MSRA: variants seen among roughly 807,000 people sequenced by gnomAD.
MSRA encodes methionine sulfoxide reductase A, also known as mitochondrial peptide methionine sulfoxide reductase.
A neutral mutation model predicts 31.3 loss-of-function variants in MSRA; 54 were observed. That is an observed-to-expected ratio of 1.73 (90% CI 1.39 to 2.17). MSRA has a LOEUF of 2.17. Ranked by LOEUF, MSRA falls within the 30% of genes most tolerant of loss-of-function variation. The probability of loss-of-function intolerance (pLI) is 0.00; values close to 1 mark genes in which losing one functional copy is unlikely to be tolerated. For synonymous variants in MSRA, 169 were observed against 116.5 expected (o/e 1.45, Z -2.90); for missense variants, 507 against 300.9 (o/e 1.69, Z -5.07).
chr8:10,186,371 A>G (rs559613385), intron 1 of MSRA, among the ~76,000 whole-genome samples: 2 of 152,362 alleles, frequency 1.3e-5, no homozygotes, highest in South Asian at 2.1e-4. Flanking sequence ...TGGACAGTAT[A>G]TAAATGAATG....
At chr8:10,425,682 C>G (rs545821901) in intron 5 of MSRA, among the ~76,000 whole-genome samples, 5 of 152,310 alleles carry the variant, frequency 3.3e-5, no homozygotes, top group South Asian at 2.1e-4. Flanking sequence ...GGGCCGGGAG[C>G]GAGGCCCGTC....
At chr8:10,351,881 G>A (rs935530884) in intron 5 of MSRA, among the ~76,000 whole-genome samples, 2 of 152,192 alleles carry the variant, frequency 1.3e-5, no homozygotes, top group African/African-American at 4.8e-5. Flanking sequence ...AGGTTTTAAG[G>A]CTATGAGGTG....
chr8:10,143,928 G>C (rs893535153), intron 1 of MSRA, among the ~76,000 whole-genome samples: 4 of 152,168 alleles, frequency 2.6e-5, no homozygotes, highest in Admixed American at 6.5e-5. Flanking sequence ...TTTTCTATAG[G>C]AAGTCCGTGT....
intron 1 of MSRA, among the ~76,000 whole-genome samples, chr8:10,153,896 C>T (rs1293186546): frequency 1.3e-5 from 2 of 152,116 alleles, no homozygotes; most frequent in Admixed American, 6.6e-5. Flanking sequence ...TCTGATATCA[C>T]TAAATAAAAA....
intron 5 of MSRA, among the ~76,000 whole-genome samples, chr8:10,384,439 C>T (rs1806261705): frequency 6.6e-6 from 1 of 152,342 alleles, no homozygotes; most frequent in East Asian, 1.9e-4. Flanking sequence ...TGAGGTAGCT[C>T]CGCAGGATGG....
intron 1 of MSRA, among the ~76,000 whole-genome samples, chr8:10,087,816 G>A (rs1169309716): frequency 6.6e-6 from 1 of 152,204 alleles, no homozygotes; most frequent in African/African-American, 2.4e-5. Flanking sequence ...TTCTAAGAGA[G>A]ACATTTTAAA....
chr8:10,174,944 G>C (rs538425126), intron 1 of MSRA, among the ~76,000 whole-genome samples: 1 of 152,096 alleles, frequency 6.6e-6, no homozygotes, highest in Non-Finnish European at 1.5e-5. Context: ...CAGCCTTGCC[G>C]ATCTTGCCCC....
chr8:10,354,611 A>G (rs1042662488), intron 5 of MSRA, among the ~76,000 whole-genome samples: 1 of 152,130 alleles, frequency 6.6e-6, no homozygotes, highest in Non-Finnish European at 1.5e-5. Flanking sequence ...AATATCGGTC[A>G]GTAAAATCAG....
intron 1 of MSRA, among the ~76,000 whole-genome samples, chr8:10,129,970 G>C (rs773438437): frequency 6.6e-6 from 1 of 152,172 alleles, no homozygotes; most frequent in Non-Finnish European, 1.5e-5. Context: ...ATATTAAAGT[G>C]TGAGTTTGTA....
At chr8:10,420,308 T>G (rs4841335) in intron 5 of MSRA, among the ~76,000 whole-genome samples, 78,810 of 151,180 alleles carry the variant, frequency 0.52, 22,463 homozygotes, top group Non-Finnish European at 0.65. Flanking sequence ...TTTTGTTTTT[T>G]TTTTTTTCCT....
intron 5 of MSRA, among the ~76,000 whole-genome samples, chr8:10,392,122 C>A (rs1806786507): frequency 6.6e-6 from 1 of 152,136 alleles, no homozygotes; most frequent in Non-Finnish European, 1.5e-5. Context: ...AGAGAAGGGG[C>A]CCTTGAGAAT....
intron 5 of MSRA, among the ~76,000 whole-genome samples, chr8:10,397,153 G>A (rs371632346): frequency 7.2e-5 from 11 of 152,244 alleles, no homozygotes; most frequent in African/African-American, 1.4e-4. Flanking sequence ...TTTGTCTCCC[G>A]GCTTGACCTT....
At chr8:10,181,243 T>C (rs1332425490) in intron 1 of MSRA, among the ~76,000 whole-genome samples, 1 of 152,162 alleles carries the variant, frequency 6.6e-6, no homozygotes, top group Non-Finnish European at 1.5e-5. Context: ...AAGGGGATGC[T>C]ATTATCTAGA....
Position 10,290,414 on chromosome 8 carries a change from G to A in MSRA, c.332-11120G>A, listed in dbSNP as rs1481216396. ...GCCATTTGGCTAGATGACCTTTCAG[G>A]TCCCTTACAATTCTGAGACTTTGTT... On this transcript the variant is annotated intron_variant, in intron 3 of 5. Transcript: ENST00000317173. Among the ~76,000 whole-genome samples the A allele has an allele frequency of 3.3e-5, 5 of 151,996 alleles. No individual in the cohort carries two copies. The East Asian group carries it at 7.7e-4, about 23-fold the overall frequency.
At chr8:10,102,097 G>A (rs1563096724) in intron 1 of MSRA, among the ~76,000 whole-genome samples, 1 of 152,132 alleles carries the variant, frequency 6.6e-6, no homozygotes, top group Non-Finnish European at 1.5e-5. Flanking sequence ...AATGTGTTAT[G>A]TTGTGCCTTT....
chr8:10,205,678 G>T (rs28510092), intron 1 of MSRA, among the ~76,000 whole-genome samples: 5,782 of 152,196 alleles, frequency 0.038, 210 homozygotes, highest in South Asian at 0.088. Flanking sequence ...AAAAAGAAAA[G>T]AATCTAACAA....
At chr8:10,340,730 A>C (rs1309078590) in intron 5 of MSRA, among the ~76,000 whole-genome samples, 1 of 152,226 alleles carries the variant, frequency 6.6e-6, no homozygotes. Context: ...GTTTTGATTC[A>C]ATTCAAAAGG....
At chr8:10,136,853 A>G (rs1340293694) in intron 1 of MSRA, among the ~76,000 whole-genome samples, 1 of 152,220 alleles carries the variant, frequency 6.6e-6, no homozygotes, top group Non-Finnish European at 1.5e-5. Context: ...TTGTAAAATT[A>G]GAACTTGTGT....
At chr8:10,405,738 T>A (rs1481316533) in intron 5 of MSRA, among the ~76,000 whole-genome samples, 3 of 151,902 alleles carry the variant, frequency 2.0e-5, no homozygotes, top group East Asian at 3.9e-4. Flanking sequence ...ATCACACACG[T>A]GTGTTCACAC....
Sources: allele counts gnomAD v4.1 joint callset (sites outside exome capture counted in the v4.1 genomes callset), GRCh38; gene constraint gnomAD v4.1.1; transcripts MANE v1.5; gene names NCBI Gene and HGNC (gene_info 2026-07-23, HGNC 2026-07-21).